The following SHANK1 variants were observed in gnomAD, a reference collection of about 807,000 sequenced individuals.
The protein encoded by SHANK1 is SH3 and multiple ankyrin repeat domains 1.
In SHANK1, 35 loss-of-function variants were observed where a neutral mutation model predicts 165.6. That is an observed-to-expected ratio of 0.21 (90% CI 0.16 to 0.28). The LOEUF (loss-of-function observed/expected upper bound fraction) is 0.28. Among genes scored for constraint, SHANK1 ranks in the 10% least tolerant of loss-of-function variants. The probability of loss-of-function intolerance (pLI) is 1.00; values close to 1 mark genes in which losing one functional copy is unlikely to be tolerated. For missense variants in SHANK1, 2,681 were observed against 3,036.4 expected (o/e 0.88, Z 2.75); for synonymous variants, 1,428 against 1,384.8 (o/e 1.03, Z -0.69).
intron 21 of SHANK1, among the ~76,000 whole-genome samples, chr19:50,684,289 G>T (rs969027493): frequency 6.6e-6 from 1 of 151,772 alleles, no homozygotes; most frequent in African/African-American, 2.4e-5. Context: ...GCAATGGTGC[G>T]ATCTCGGCTT....
chr19:50,716,909 C>A lies in SHANK1; in HGVS notation c.11G>T (p.Ser4Ile), dbSNP rs1273864257. The change falls in exon 2 of 24, where the codon AGC (serine) becomes ATC (isoleucine). Residue 4 changes from serine to isoleucine, a missense_variant. Ser to Ile is a moderately radical substitution (Grantham distance 142). This residue lies in a region of SHANK1 where 118 missense variants were observed against 106.9 expected (regional missense o/e 1.10). Coordinates refer to ENST00000293441, the MANE Select transcript of SHANK1 (RefSeq NM_016148.5). This position sits in a 1 kb window ranked among gnomAD's most constrained non-coding sequence, Gnocchi z 8.4. MTHSPATSEDEERH... is the reference protein window; with the variant it reads MTHIPATSEDEERH... ...TTCCTCGTCCTCGCTTGTCGCGGGG[C>A]TGTGGGTCATTGTGGGGCCACGGGG... 5 of 1,442,406 alleles carry A rather than the reference C, an allele frequency of 3.5e-6. No individual in the cohort carries two copies. The allele number at this position is 1,442,406 out of a possible 1,614,324, so 89.4% of individuals were successfully genotyped here. A position where few individuals can be genotyped will look rare whatever the true frequency, so the allele number is the denominator to read the frequency against.
chr19:50,709,070 GGTTT>G (rs912129261), intron 8 of SHANK1, among the ~76,000 whole-genome samples: 1 of 152,196 alleles, frequency 6.6e-6, no homozygotes, highest in African/African-American at 2.4e-5. Context: ...GTTATGCATC[GGTTT>G]GTTAAGCCCA....
chr19:50,685,104 GA>G (rs1357214022), intron 21 of SHANK1, among the ~76,000 whole-genome samples: 1 of 152,228 alleles, frequency 6.6e-6, no homozygotes, highest in Non-Finnish European at 1.5e-5. Flanking sequence ...ACTGGGCAGA[GA>G]AGAAGGAAGC....
chr19:50,696,980 A>T (rs985237736), intron 15 of SHANK1, 116 bp downstream of exon 15: 1 of 843,192 alleles, frequency 1.2e-6, no homozygotes, highest in African/African-American at 1.7e-5. Context: ...CTACAGAGAC[A>T]CACGTTCACA....
Position 50,668,477 on chromosome 19 carries a change from CT to C in SHANK1, c.3482del (p.Lys1161ArgfsTer182). 7.4e-7 allele frequency: 1 copy of C among 1,342,956 alleles called. No individual in the cohort carries two copies. Among genetic ancestry groups the C allele is most frequent in the Non-Finnish European group, 9.6e-7 (1 of 1,046,294 alleles). 83.2% of individuals were successfully genotyped at this position (1,342,956 alleles called of 1,614,324 possible). A position where few individuals can be genotyped will look rare whatever the true frequency, so the allele number is the denominator to read the frequency against. ...GGCCGCTGCTACTGGTGGACGGGGC[CT>C]TGATGATGATGGTGGGGATGGGGAT... ...NSIPIPTIII[K>X]APSTSSSGRS... On this transcript the variant is annotated frameshift_variant, in exon 23 of 24. Transcript: ENST00000293441. LOFTEE classifies it high-confidence loss of function.
In SHANK1 at chr19:50,703,658, G is replaced by A. The variant is rs1478230749; in HGVS notation, c.1395C>T (p.Thr465=). Residue 465 remains threonine, a synonymous_variant, in exon 11 of 24, where the codon ACC becomes ACT. Transcript: ENST00000293441. ...GCTGCGACTGGCCCTGGGACCCTGA[G>A]GTAGGGCCAGGGGCCCCAGAGGACG... ...GAASSGAPGP[T]SGSQGQSQPS... is the part of the protein sequence containing the mutation. The A allele has an allele frequency of 2.0e-6, 3 of 1,511,534 alleles. No individual in the cohort carries two copies. The highest frequency in any genetic ancestry group is 1.4e-5 in the African/African-American group (1 of 72,634). The allele number at this position is 1,511,534 out of a possible 1,614,324, so 93.6% of individuals were successfully genotyped here. A position where few individuals can be genotyped will look rare whatever the true frequency, so the allele number is the denominator to read the frequency against.
Position 50,668,090 on chromosome 19 carries a change from C to T in SHANK1, c.3870G>A (p.Glu1290=), listed in dbSNP as rs947873017. ...GGTAGGGCTCGGCGGAGAACATGCC[C>T]TCGTCGATGGATTTGGAGTGGCGCA... ...PRLRHSKSID[E]GMFSAEPYLR... Residue 1290 remains glutamate, a synonymous_variant, in exon 23 of 24, where the codon GAG becomes GAA. Transcript: ENST00000293441. 89 of 1,481,176 alleles carry T rather than the reference C, an allele frequency of 6.0e-5. No homozygotes were observed. The highest frequency in any genetic ancestry group is 7.8e-5 in the Non-Finnish European group (87 of 1,121,140). 91.8% of individuals were successfully genotyped at this position (1,481,176 alleles called of 1,614,324 possible). A position where few individuals can be genotyped will look rare whatever the true frequency, so the allele number is the denominator to read the frequency against.
At position 50,668,725 on chromosome 19, in the gene SHANK1, C is replaced by G. The variant is rs1199872986; in HGVS notation, c.3235G>C (p.Gly1079Arg). The G allele has an allele frequency of 7.8e-7, 1 of 1,277,450 alleles. No individual in the cohort carries two copies. The highest frequency in any genetic ancestry group is 9.8e-7 in the Non-Finnish European group (1 of 1,019,094). The allele number at this position is 1,277,450 out of a possible 1,614,324, so 79.1% of individuals were successfully genotyped here. ...AGCTGGAAATAGCGTAGAGCCGGGC[C>G]CTGGGAGGAGCCGCCGCCCCCGCCC... is the stretch of plus-strand genomic sequence containing the variant. ...SAGGGGGSSQ[G>R]PALRYFQLPP... The change falls in exon 23 of 24, where the codon GGC becomes CGC. Residue 1079 changes from glycine (G) to arginine (R), a missense_variant. Physicochemically the swap from Gly to Arg is moderately radical, Grantham distance 125. Transcript: ENST00000293441.
rs966639371 is a variant in SHANK1, at chr19:50,667,062, G to A, written c.4898C>T (p.Thr1633Ile). 1.2e-5 allele frequency: 19 copies of A among 1,553,704 alleles called. No homozygotes were observed. In the African/African-American group the frequency reaches 2.4e-4, roughly 20 times the overall value. The change falls in exon 23 of 24, where the codon ACC becomes ATC. Residue 1633 changes from threonine (T) to isoleucine (I), a missense_variant. By Grantham distance (89) the Thr-to-Ile change is moderately conservative (BLOSUM62 -1). Transcript: ENST00000293441. This position sits in a 1 kb window ranked among gnomAD's most constrained non-coding sequence, Gnocchi z 5.7. ...SLTSYDSEVA[T>I]LTQGASAAPG... ...AGCGGCGGAGGCCCCCTGGGTCAGGGTGGCCACCTCGCTGTCATAGGATGT... is the reference window on the plus strand; with the variant it reads ...AGCGGCGGAGGCCCCCTGGGTCAGGATGGCCACCTCGCTGTCATAGGATGT...
Position 50,686,154 on chromosome 19 carries a change from AG to A in SHANK1, c.2577+82del, listed in dbSNP as rs1401823638. 42 of 738,682 alleles carry A rather than the reference AG, an allele frequency of 5.7e-5. No individual in the cohort carries two copies. The highest frequency in any genetic ancestry group is 1.6e-5 in the Non-Finnish European group (7 of 449,900). The allele number at this position is 738,682 out of a possible 1,614,324, so 45.8% of individuals were successfully genotyped here. On this transcript the variant is annotated intron_variant, in intron 21 of 23. Transcript: ENST00000293441. This position sits in a 1 kb window ranked among gnomAD's most constrained non-coding sequence, Gnocchi z 5.7. The stretch of plus-strand genomic sequence containing the variant: ...CAGCCTAAAGCACAGAGGCGTCAGG[AG>A]GGTTTTGGAAAGAGAAAGGCTCCAG...
At chr19:50,706,463 C>A (rs2123183955) in intron 8 of SHANK1, among the ~76,000 whole-genome samples, 1 of 152,132 alleles carries the variant, frequency 6.6e-6, no homozygotes, top group Admixed American at 6.5e-5. Flanking sequence ...GTTAGCTGAG[C>A]TAACCTGAGC....
chr19:50,716,817 G>A lies in SHANK1; in HGVS notation c.103C>T (p.Arg35Ter), dbSNP rs267605598. The change falls in exon 2 of 24, where the codon CGA becomes TGA. Residue 35 changes from arginine to a stop codon, truncating the protein, a stop_gained. Coordinates refer to ENST00000293441, the MANE Select transcript of SHANK1 (RefSeq NM_016148.5). LOFTEE classifies it high-confidence loss of function. The surrounding 1 kb of genome is among the most constrained non-coding windows in gnomAD (Gnocchi z 8.4). ...ESDSSPDGPG[R>*]GPRGTRGQGS... is the part of the protein sequence containing the mutation. ...TGGCCCCGGGTCCCCCGGGGGCCTC[G>A]ACCTGGCCCGTCTGGGGAGCTGTCG... The A allele has an allele frequency of 1.3e-6, 2 of 1,578,894 alleles. No individual in the cohort carries two copies. The highest frequency in any genetic ancestry group is 1.7e-6 in the Non-Finnish European group (2 of 1,166,210).
intron 22 of SHANK1, 27 bp downstream of exon 22, chr19:50,671,991 C>T (rs1333428811): frequency 6.4e-7 from 1 of 1,564,100 alleles, no homozygotes; most frequent in African/African-American, 1.4e-5. Flanking sequence ...CCCCCAGCCC[C>T]CACATCTCTT....
At chr19:50,683,195 C>T (rs1986229034) in intron 21 of SHANK1, among the ~76,000 whole-genome samples, 1 of 152,106 alleles carries the variant, frequency 6.6e-6, no homozygotes, top group African/African-American at 2.4e-5. Context: ...TAGTTTTGCC[C>T]CCCAGAGGAC....
chr19:50,702,684 G>A lies in SHANK1; in HGVS notation c.1554-24C>T, dbSNP rs1208452700. The A allele has an allele frequency of 1.3e-6, 2 of 1,512,538 alleles. No individual in the cohort carries two copies. The highest frequency in any genetic ancestry group is 1.8e-6 in the Non-Finnish European group (2 of 1,123,174). 93.7% of individuals were successfully genotyped at this position (1,512,538 alleles called of 1,614,324 possible). On this transcript the variant is annotated intron_variant, in intron 11 of 23. Transcript: ENST00000293441. This position sits in a 1 kb window ranked among gnomAD's most constrained non-coding sequence, Gnocchi z 5.3. Reference sequence around the variant, plus strand: ...AGCTGCGTACACAGAGGGCATGAGAGGAGGGGAGGGTGGAGGGAGGGGACA... The same window carrying A: ...AGCTGCGTACACAGAGGGCATGAGAAGAGGGGAGGGTGGAGGGAGGGGACA...
At chr19:50,709,392 C>T (rs1037290862) in intron 8 of SHANK1, among the ~76,000 whole-genome samples, 9 of 152,114 alleles carry the variant, frequency 5.9e-5, no homozygotes, top group African/African-American at 1.2e-4. Flanking sequence ...CCGCCCGCCT[C>T]GGCCTCCCAA....
chr19:50,668,612 C>A lies in SHANK1; in HGVS notation c.3348G>T (p.Val1116=). 7.3e-7 allele frequency: 1 copy of A among 1,375,468 alleles called. No individual in the cohort carries two copies. The highest frequency in any genetic ancestry group is 9.4e-7 in the Non-Finnish European group (1 of 1,059,342). 85.2% of individuals were successfully genotyped at this position (1,375,468 alleles called of 1,614,324 possible). A position where few individuals can be genotyped will look rare whatever the true frequency, so the allele number is the denominator to read the frequency against. Reference sequence around the variant, plus strand: ...CGCCGCCCTTCTGGGGCTCGCCTTCCACCTTGGTCTGCTTGACCAGCGGGC... The same window carrying A: ...CGCCGCCCTTCTGGGGCTCGCCTTCAACCTTGGTCTGCTTGACCAGCGGGC... ...RKGPLVKQTK[V]EGEPQKGGGL... The change falls in exon 23 of 24, where the codon GTG becomes GTT. Residue 1116 remains valine (V), a synonymous_variant. Coordinates refer to ENST00000293441, the MANE Select transcript of SHANK1 (RefSeq NM_016148.5).
At chr19:50,680,848 G>A (rs1310575496) in intron 21 of SHANK1, among the ~76,000 whole-genome samples, 1 of 152,100 alleles carries the variant, frequency 6.6e-6, no homozygotes, top group African/African-American at 2.4e-5. Flanking sequence ...TAGCGACGGG[G>A]TTTCACCTTG....
intron 21 of SHANK1, among the ~76,000 whole-genome samples, chr19:50,677,975 G>C (rs1986033652): frequency 6.6e-6 from 1 of 152,196 alleles, no homozygotes; most frequent in South Asian, 2.1e-4. Flanking sequence ...TGGTATCAGA[G>C]AGCAGAACCT....
Sources: gnomAD v4.1 joint callset for allele counts (sites outside exome capture counted in the v4.1 genomes callset) on GRCh38, gnomAD v4.1.1 for gene constraint, gnomAD v4.1.1 regional missense constraint, Gnocchi (gnomAD v3.1) non-coding constraint, MANE v1.5 for transcripts, NCBI Gene and HGNC (gene_info 2026-07-23, HGNC 2026-07-21) for gene names.